The following LOC400499 variants were observed in gnomAD, a reference collection of about 807,000 sequenced individuals.
At chr16:11,401,054 A>G in the LOC400499 span, among the ~76,000 whole-genome samples, 1 of 152,248 alleles carries the variant, frequency 6.6e-6, no homozygotes, top group African/African-American at 2.4e-5. Flanking sequence ...CGCCTGGTAT[A>G]CAGTAGGTGC....
chr16:11,385,890 G>C, the LOC400499 span, among the ~76,000 whole-genome samples: 6 of 152,200 alleles, frequency 3.9e-5, no homozygotes, highest in Non-Finnish European at 7.4e-5. Flanking sequence ...TTCACACATC[G>C]GCCAGGCACG....
chr16:11,398,318 C>T, the LOC400499 span: 1 of 1,232,156 alleles, frequency 8.1e-7, no homozygotes, highest in Non-Finnish European at 1.0e-6. Context: ...CCTGGTCCTC[C>T]AGCTGCCCCC....
the LOC400499 span, among the ~76,000 whole-genome samples, chr16:11,382,144 G>T: frequency 2.5e-4 from 38 of 151,490 alleles, no homozygotes; most frequent in East Asian, 7.0e-3. Context: ...CGCCATGTTG[G>T]CCAGGCTGGT....
chr16:11,491,324 T>G, the LOC400499 span, among the ~76,000 whole-genome samples: 1 of 152,212 alleles, frequency 6.6e-6, no homozygotes, highest in Non-Finnish European at 1.5e-5. Context: ...AGAAGGGATC[T>G]AGATTTGCCG....
At chr16:11,512,648 T>G in the LOC400499 span, among the ~76,000 whole-genome samples, 7 of 152,262 alleles carry the variant, frequency 4.6e-5, no homozygotes, top group East Asian at 1.3e-3. Context: ...TGATGATGGA[T>G]GTACAACTCT....
At chr16:11,456,475 G>A in the LOC400499 span, among the ~76,000 whole-genome samples, 1 of 152,238 alleles carries the variant, frequency 6.6e-6, no homozygotes, top group East Asian at 1.9e-4. Flanking sequence ...CGAGCAAGGG[G>A]GAGAGTGGGG....
chr16:11,395,882 C>G, the LOC400499 span, among the ~76,000 whole-genome samples: 6 of 152,168 alleles, frequency 3.9e-5, no homozygotes, highest in African/African-American at 7.2e-5. Context: ...TGTGAAATAT[C>G]TGATCCCCTC....
chr16:11,432,413 C>T, the LOC400499 span, among the ~76,000 whole-genome samples: 8 of 152,308 alleles, frequency 5.3e-5, no homozygotes, highest in East Asian at 1.5e-3. Flanking sequence ...TACAAAAGCC[C>T]TGTGAGTTTT....
the LOC400499 span, among the ~76,000 whole-genome samples, chr16:11,441,360 T>C: frequency 1.3e-5 from 2 of 152,226 alleles, no homozygotes; most frequent in South Asian, 2.1e-4. Context: ...ATTTTGTTCA[T>C]TGCCATATTC....
the LOC400499 span, among the ~76,000 whole-genome samples, chr16:11,379,128 G>A: frequency 5.9e-5 from 9 of 152,156 alleles, no homozygotes; most frequent in Admixed American, 1.3e-4. Flanking sequence ...GGTGGCATAC[G>A]CCTGTAATCC....
At chr16:11,460,841 C>G in the LOC400499 span, 1 of 1,331,580 alleles carries the variant, frequency 7.5e-7, no homozygotes, top group Non-Finnish European at 1.0e-6. Context: ...TCAGAGCCAA[C>G]AGAATGACTA....
the LOC400499 span, among the ~76,000 whole-genome samples, chr16:11,438,607 CAAAAAAAAA>C: frequency 6.7e-5 from 4 of 59,850 alleles, no homozygotes; most frequent in African/African-American, 2.3e-4. Context: ...CCTGTCTCTG[CAAAAAAAAA>C]AAAAAAAAAA....
the LOC400499 span, chr16:11,399,305 G>A: frequency 1.1e-6 from 1 of 930,844 alleles, no homozygotes; most frequent in Non-Finnish European, 1.3e-6. Flanking sequence ...GTTAGGAAGG[G>A]AACCATTTCA....
chr16:11,438,345 A>C, the LOC400499 span, among the ~76,000 whole-genome samples: 1 of 152,224 alleles, frequency 6.6e-6, no homozygotes, highest in African/African-American at 2.4e-5. Flanking sequence ...ATACAGACTG[A>C]CTTCAGGGAC....
At chr16:11,467,822 C>G in the LOC400499 span, among the ~76,000 whole-genome samples, 62 of 152,184 alleles carry the variant, frequency 4.1e-4, no homozygotes, top group African/African-American at 1.4e-3. Context: ...TGCCGAAACC[C>G]TAAGCCGCAG....
the LOC400499 span, chr16:11,414,354 G>C: frequency 2.5e-6 from 1 of 399,300 alleles, no homozygotes; most frequent in East Asian, 3.6e-5. Context: ...GGTTGGTGAA[G>C]GGCAGGCCCA....
the LOC400499 span, chr16:11,385,535 C>T: frequency 8.4e-6 from 5 of 596,820 alleles, no homozygotes; most frequent in East Asian, 1.7e-4. Flanking sequence ...TGCCCTGAGG[C>T]CTGGATTCCC....
the LOC400499 span, among the ~76,000 whole-genome samples, chr16:11,401,645 C>T: frequency 4.6e-5 from 7 of 152,322 alleles, no homozygotes; most frequent in South Asian, 1.2e-3. Flanking sequence ...GACTGGAGGT[C>T]GCGCTCCTCC....
At chr16:11,507,465 T>C in the LOC400499 span, among the ~76,000 whole-genome samples, 1 of 152,232 alleles carries the variant, frequency 6.6e-6, no homozygotes, top group Non-Finnish European at 1.5e-5. Flanking sequence ...AGCCCAGCTC[T>C]ATCACTTGCT....
Sources: gnomAD v4.1 joint callset for allele counts (sites outside exome capture counted in the v4.1 genomes callset) on GRCh38, gnomAD v4.1.1 for gene constraint, MANE v1.5 for transcripts.